The following AP4E1 variants were observed in gnomAD, a reference collection of about 807,000 sequenced individuals.
AP4E1 encodes the protein AP-4 complex subunit epsilon-1.
Under a neutral mutation model 128.2 loss-of-function variants are expected in AP4E1, and 56 were observed. The observed-to-expected ratio is 0.44, with a 90% CI of 0.35 to 0.55. AP4E1 has a LOEUF of 0.55. AP4E1 is among the 20% of genes least tolerant of loss of function. The pLI, the probability that AP4E1 is intolerant of heterozygous loss-of-function variation, is 0.00. For synonymous variants in AP4E1, 484 were observed against 473.1 expected (o/e 1.02, Z -0.30); for missense variants, 1,324 against 1,307.7 (o/e 1.01, Z -0.19).
At chr15:50,935,940 TA>T in intron 8 of AP4E1, among the ~76,000 whole-genome samples, 1 of 152,328 alleles carries the variant, frequency 6.6e-6, no homozygotes, top group East Asian at 1.9e-4. Flanking sequence ...ATTAAGGTAA[TA>T]AGGATGCTTT....
intron 18 of AP4E1, 114 bp downstream of exon 18, chr15:50,997,997 A>T (rs2064904431): frequency 2.6e-6 from 2 of 782,844 alleles, no homozygotes; most frequent in Non-Finnish European, 4.0e-6. Context: ...CGAAATTCTC[A>T]AATTATTTAG....
At chr15:50,907,876 T>C (rs980076169), upstream of AP4E1, among the ~76,000 whole-genome samples, 1 of 152,106 alleles carries the variant, frequency 6.6e-6, no homozygotes, top group African/African-American at 2.4e-5. Context: ...GACGGAGCAA[T>C]CGGAATGAAT....
intron 10 of AP4E1, among the ~76,000 whole-genome samples, chr15:50,944,162 G>T (rs2064024746): frequency 6.6e-6 from 1 of 152,176 alleles, no homozygotes; most frequent in Non-Finnish European, 1.5e-5. Flanking sequence ...GGTGCCCAAA[G>T]ATGGCACTAA....
chr15:51,001,266 A>G, intron 20 of AP4E1, 83 bp downstream of exon 20: 2 of 1,293,112 alleles, frequency 1.5e-6, no homozygotes, highest in South Asian at 2.6e-5. Context: ...TACAAGTATC[A>G]GATTTCTCAG....
At chr15:50,995,062 A>G (rs1186900463) in intron 17 of AP4E1, among the ~76,000 whole-genome samples, 1 of 152,206 alleles carries the variant, frequency 6.6e-6, no homozygotes. Flanking sequence ...AAGGAGGAAC[A>G]GTTAACAATG....
At chr15:50,972,311 A>G (rs1431749809) in intron 15 of AP4E1, among the ~76,000 whole-genome samples, 1 of 152,102 alleles carries the variant, frequency 6.6e-6, no homozygotes, top group African/African-American at 2.4e-5. Context: ...TCCCAGGTTC[A>G]AGCAATTCTC....
intron 19 of AP4E1, among the ~76,000 whole-genome samples, 185 bp downstream of exon 19, chr15:50,999,447 T>C (rs2064928148): frequency 6.6e-6 from 1 of 152,158 alleles, no homozygotes; most frequent in African/African-American, 2.4e-5. Context: ...TAAATACATA[T>C]GTAATTATGA....
At chr15:50,918,118 T>G (rs1476169836) in intron 3 of AP4E1, 2 of 152,066 alleles carry the variant, frequency 1.3e-5, no homozygotes, top group African/African-American at 4.8e-5. Context: ...AAAAAAAAGT[T>G]ATAGTATAAT....
At position 50,915,431 on chromosome 15, in the gene AP4E1, G is replaced by T. The variant is rs1185327082; in HGVS notation, c.223-17G>T. ...ATTCTGTTTATTTATACAGCTACTG[G>T]ATATTTTGCTTTTCAGAAAATGATG... is the stretch of plus-strand genomic sequence containing the variant. On this transcript the variant is annotated splice_polypyrimidine_tract_variant and intron_variant, in intron 2 of 20. Coordinates refer to ENST00000261842, the MANE Select transcript of AP4E1 (RefSeq NM_007347.5). The T allele has an allele frequency of 1.2e-6, 2 of 1,608,708 alleles. No individual in the cohort carries two copies. Among genetic ancestry groups the T allele is most frequent in the Non-Finnish European group, 1.7e-6 (2 of 1,175,638 alleles).
At chr15:50,982,148 T>G (rs1031616428) in intron 15 of AP4E1, among the ~76,000 whole-genome samples, 4 of 148,030 alleles carry the variant, frequency 2.7e-5, no homozygotes, top group African/African-American at 9.9e-5. Flanking sequence ...CTATCTTCCC[T>G]TCTGCTTTCC....
chr15:50,950,137 T>C lies in AP4E1; in HGVS notation c.1516T>C (p.Tyr506His), dbSNP rs757073879. 1 of 1,612,686 alleles carries C rather than the reference T, an allele frequency of 6.2e-7. No homozygotes were observed. Among genetic ancestry groups the C allele is most frequent in the Non-Finnish European group, 8.5e-7 (1 of 1,179,194 alleles). Residue 506 changes from tyrosine to histidine, a missense_variant, in exon 13 of 21, where the codon TAT (tyrosine) becomes CAT (histidine). Tyr to His is a moderately conservative substitution (Grantham distance 83). Coordinates refer to ENST00000261842, the MANE Select transcript of AP4E1 (RefSeq NM_007347.5). ...LTLLDMENVF[Y>H]PQRFLQVMSW... ...TTTACTGGATATGGAAAATGTGTTC[T>C]ATCCACAGAGATTTCTTCAAGTTAT...
chr15:51,001,174 G>C lies in AP4E1; in HGVS notation c.3244G>C (p.Glu1082Gln). 1 of 1,613,272 alleles carries C rather than the reference G, an allele frequency of 6.2e-7. No homozygotes were observed. The highest frequency in any genetic ancestry group is 8.5e-7 in the Non-Finnish European group (1 of 1,179,606). ...LQQKLRLHII[E>Q]IIGNEGLLAC... ...ACAGAAACTAAGACTCCATATTATT[G>C]AGATTATAGGTTTGTAGAGTTATAA... The change falls in exon 20 of 21, where the codon GAG becomes CAG. Residue 1082 changes from glutamate (E) to glutamine (Q), a missense_variant. By Grantham distance (29) the Glu-to-Gln change is conservative. Coordinates refer to ENST00000261842, the MANE Select transcript of AP4E1 (RefSeq NM_007347.5).
intron 15 of AP4E1, among the ~76,000 whole-genome samples, chr15:50,970,631 T>C (rs886217897): frequency 6.6e-6 from 1 of 152,244 alleles, no homozygotes. Flanking sequence ...TGTCTCCTTT[T>C]ACAGCTTTTA....
At chr15:50,918,913 T>G (rs7170302) in intron 3 of AP4E1, among the ~76,000 whole-genome samples, 120,782 of 151,768 alleles carry the variant, frequency 0.8, 48,608 homozygotes, top group African/African-American at 0.9. Context: ...GATTTTTTTT[T>G]TTGTTGTTGT....
intron 13 of AP4E1, among the ~76,000 whole-genome samples, chr15:50,952,354 C>A (rs1469541092): frequency 6.6e-6 from 1 of 151,626 alleles, no homozygotes; most frequent in Non-Finnish European, 1.5e-5. Context: ...ACTAAAAATA[C>A]AAAAAATTAG....
intron 5 of AP4E1, among the ~76,000 whole-genome samples, chr15:50,926,954 G>A (rs554526380): frequency 6.6e-6 from 1 of 152,268 alleles, no homozygotes; most frequent in South Asian, 2.1e-4. Context: ...CTTTTACTAA[G>A]AATTACAGAA....
intron 10 of AP4E1, chr15:50,945,839 A>G: frequency 1.3e-6 from 1 of 791,034 alleles, no homozygotes; most frequent in Non-Finnish European, 2.3e-6. Context: ...ATAGCTTGTC[A>G]TTGACATCTA....
chr15:50,941,400 A>G, intron 8 of AP4E1, 42 bp from the exon 9 acceptor site: 2 of 1,600,254 alleles, frequency 1.2e-6, no homozygotes, highest in Non-Finnish European at 1.7e-6. Context: ...GTTTTGTTAT[A>G]CCTTACCATG....
rs75747330 is a variant in AP4E1, at chr15:50,929,404, A to G, written c.702+236A>G. ...TTTTGATGTTACTAAACAGGTGTGG[A>G]AAAATGGTATCAGTGGAAGGTGTCT... On this transcript the variant is annotated intron_variant, in intron 6 of 20. Coordinates refer to ENST00000261842, the MANE Select transcript of AP4E1 (RefSeq NM_007347.5). 0.033 allele frequency among the ~76,000 whole-genome samples: 5,069 copies of G among 151,868 alleles called. 81 individuals carry two copies. Among genetic ancestry groups the G allele is most frequent in the Non-Finnish European group, 0.039 (2,618 of 67,930 alleles).
Sources: gnomAD v4.1 joint callset for allele counts (sites outside exome capture counted in the v4.1 genomes callset) on GRCh38, gnomAD v4.1.1 for gene constraint, MANE v1.5 for transcripts, NCBI Gene and HGNC (gene_info 2026-07-23, HGNC 2026-07-21) for gene names.